Variants in ARHGEF28 observed in about 807,000 individuals in gnomAD.
The protein encoded by ARHGEF28 is Rho guanine nucleotide exchange factor 28.
ARHGEF28 carries 152 observed loss-of-function variants against 206.6 expected under a neutral mutation model. That is an observed-to-expected ratio of 0.74 (90% CI 0.64 to 0.84). The LOEUF is 0.84. Ranked by LOEUF, ARHGEF28 falls within the 40% of genes least tolerant of loss-of-function variation. ARHGEF28 has a pLI of 0.00. For missense variants in ARHGEF28, 2,028 were observed against 2,073.2 expected, an observed-to-expected ratio of 0.98 and a Z score of 0.42; for synonymous variants, 763 against 776.4, an observed-to-expected ratio of 0.98 and a Z score of 0.29.
At chr5:73,858,819 G>C (rs1759211573) in intron 16 of ARHGEF28, among the ~76,000 whole-genome samples, 1 of 152,116 alleles carries the variant, frequency 6.6e-6, no homozygotes, top group South Asian at 2.1e-4. Context: ...TCTCCCAATG[G>C]CTTCCTATAC....
Position 73,846,367 on chromosome 5 carries a change from T to A in ARHGEF28, c.1527T>A (p.Thr509=). The A allele has an allele frequency of 6.2e-7, 1 of 1,613,960 alleles. No homozygotes were observed. Among genetic ancestry groups the A allele is most frequent in the Non-Finnish European group, 8.5e-7 (1 of 1,179,844 alleles). ...CAGGGTCTCAGAGCTCCTCAAGAACTGGGATTCCTAGTGGGGATGAATTGG... is the reference window on the plus strand; with the variant it reads ...CAGGGTCTCAGAGCTCCTCAAGAACAGGGATTCCTAGTGGGGATGAATTGG... ...YTPGSQSSSR[T]GIPSGDELDS... The change falls in exon 12 of 36, where the codon ACT becomes ACA. Residue 509 remains threonine, a synonymous_variant. Transcript: ENST00000513042.
At chr5:73,704,942 A>G (rs114563391) in intron 2 of ARHGEF28, among the ~76,000 whole-genome samples, 1,978 of 152,268 alleles carry the variant, frequency 0.013, 32 homozygotes, top group African/African-American at 0.041. Context: ...TGATGTCTGC[A>G]CTACTATTTG....
Position 73,839,807 on chromosome 5 carries a change from G to A in ARHGEF28, c.1147-673G>A, listed in dbSNP as rs150747243. On this transcript the variant is annotated intron_variant, in intron 10 of 35. Coordinates refer to ENST00000513042, the MANE Select transcript of ARHGEF28 (RefSeq NM_001177693.2). ...TTTCTTCTAATGATGCTATGTACGT[G>A]CACTTTATGTAGCTTTATTTGTTCT... is the stretch of plus-strand genomic sequence containing the variant. Among the ~76,000 whole-genome samples the A allele has an allele frequency of 2.9e-3, 449 of 152,260 alleles. 4 individuals are homozygous for A. Among genetic ancestry groups the A allele is most frequent in the Middle Eastern group, 0.01 (3 of 294 alleles).
intron 35 of ARHGEF28, chr5:73,923,230 G>T: frequency 7.0e-7 from 1 of 1,428,962 alleles, no homozygotes; most frequent in Non-Finnish European, 9.4e-7. Flanking sequence ...TACATAATTT[G>T]GTTTTTAAAA....
intron 9 of ARHGEF28, among the ~76,000 whole-genome samples, chr5:73,816,191 G>A (rs189538084): frequency 6.6e-6 from 1 of 152,198 alleles, no homozygotes; most frequent in Admixed American, 6.5e-5. Context: ...TGCTTACAGG[G>A]ATCTTAACAT....
intron 1 of ARHGEF28, among the ~76,000 whole-genome samples, chr5:73,667,696 G>A (rs1355478393): frequency 1.3e-5 from 2 of 152,076 alleles, no homozygotes; most frequent in African/African-American, 4.8e-5. Context: ...AAACCTTTAT[G>A]TTGTATGTTC....
Position 73,898,003 on chromosome 5 carries a change from G to A in ARHGEF28, c.3883G>A (p.Ala1295Thr), listed in dbSNP as rs949970855. 10 of 1,600,024 alleles carry A rather than the reference G, an allele frequency of 6.2e-6. No individual in the cohort carries two copies. The highest frequency in any genetic ancestry group is 1.6e-4 in the Middle Eastern group (1 of 6,066). The stretch of plus-strand genomic sequence containing the variant: ...TGCAGTGAAGGCCTCACAGATGGGC[G>A]CCGTGAGTCAATCATGTGAGGACAG... ...QVAVKASQMGAVSQSCEDSCG... is the reference protein window; with the variant it reads ...QVAVKASQMGTVSQSCEDSCG... Residue 1295 changes from alanine (A) to threonine (T), a missense_variant, in exon 30 of 36, where the codon GCC becomes ACC. By Grantham distance (58) the Ala-to-Thr change is moderately conservative. Around this residue, in one of 3 missense-constraint regions of ARHGEF28, gnomAD observed 803 missense variants for 768.0 expected, o/e 1.05. Coordinates refer to ENST00000513042, the MANE Select transcript of ARHGEF28 (RefSeq NM_001177693.2).
At chr5:73,834,241 A>T (rs1237380182) in intron 10 of ARHGEF28, among the ~76,000 whole-genome samples, 1 of 152,210 alleles carries the variant, frequency 6.6e-6, no homozygotes, top group Admixed American at 6.5e-5. Flanking sequence ...TACAAAGTGC[A>T]TTATTAACTA....
At chr5:73,862,805 G>A (rs1002826660) in intron 16 of ARHGEF28, among the ~76,000 whole-genome samples, 6 of 149,918 alleles carry the variant, frequency 4.0e-5, no homozygotes, top group Admixed American at 3.3e-4. Flanking sequence ...TCTACCTACA[G>A]TTTTTTAGAT....
intron 1 of ARHGEF28, among the ~76,000 whole-genome samples, chr5:73,646,294 A>G (rs1318725249): frequency 1.3e-5 from 2 of 152,246 alleles, no homozygotes; most frequent in Admixed American, 6.5e-5. Context: ...CTTGACTTCA[A>G]TCTGGCCTCC....
chr5:73,730,014 C>T (rs912411810), intron 2 of ARHGEF28, among the ~76,000 whole-genome samples: 2 of 152,118 alleles, frequency 1.3e-5, no homozygotes, highest in African/African-American at 4.8e-5. Context: ...AAACGTATTG[C>T]CAAATAGTGG....
intron 4 of ARHGEF28, among the ~76,000 whole-genome samples, chr5:73,772,775 G>A (rs905964302): frequency 1.3e-5 from 2 of 152,198 alleles, no homozygotes; most frequent in African/African-American, 4.8e-5. Context: ...ATGTAGTTAA[G>A]ATTGCTTTTA....
At chr5:73,873,912 A>G (rs1429990433) in intron 22 of ARHGEF28, among the ~76,000 whole-genome samples, 2 of 136,212 alleles carry the variant, frequency 1.5e-5, no homozygotes, top group Non-Finnish European at 3.4e-5. Context: ...TCTGGGTTGT[A>G]TGGGAGTTGT....
At chr5:73,913,389 AAGTC>A (rs1763018289) in intron 35 of ARHGEF28, among the ~76,000 whole-genome samples, 1 of 152,250 alleles carries the variant, frequency 6.6e-6, no homozygotes, top group Admixed American at 6.5e-5. Context: ...GGAGAAAAGA[AAGTC>A]AGAGAATAGG....
At chr5:73,769,163 A>C (rs1641806207) in intron 4 of ARHGEF28, among the ~76,000 whole-genome samples, 1 of 152,186 alleles carries the variant, frequency 6.6e-6, no homozygotes, top group Admixed American at 6.5e-5. Context: ...AAATATCAGA[A>C]AAAATATTTT....
Position 73,940,874 on chromosome 5 carries a change from C to A in ARHGEF28, c.4979C>A (p.Thr1660Asn). 1.3e-6 allele frequency: 2 copies of A among 1,527,060 alleles called. No individual in the cohort carries two copies. Among genetic ancestry groups the A allele is most frequent in the Non-Finnish European group, 1.7e-6 (2 of 1,144,122 alleles). The allele number at this position is 1,527,060 out of a possible 1,614,324, so 94.6% of individuals were successfully genotyped here. A position where few individuals can be genotyped will look rare whatever the true frequency, so the allele number is the denominator to read the frequency against. The change falls in exon 36 of 36, where the codon ACC becomes AAC. Residue 1660 changes from threonine (T) to asparagine (N), a missense_variant. This residue lies in a region of ARHGEF28 where 803 missense variants were observed against 768.0 expected (regional missense o/e 1.05). Coordinates refer to ENST00000513042, the MANE Select transcript of ARHGEF28 (RefSeq NM_001177693.2). ...GACACCTCCCACACTGAGTCCCCAA[C>A]CCCCCATGACTCAAATTCACACCGC... ...DLDTSHTESP[T>N]PHDSNSHRPQ...
chr5:73,799,090 A>C (rs1372650434), intron 9 of ARHGEF28, among the ~76,000 whole-genome samples: 1 of 152,174 alleles, frequency 6.6e-6, no homozygotes, highest in Non-Finnish European at 1.5e-5. Flanking sequence ...ACTCCATCTC[A>C]AAAACAAATA....
chr5:73,684,993 T>A (rs989408040), intron 2 of ARHGEF28, 109 bp downstream of exon 2: 10 of 1,145,126 alleles, frequency 8.7e-6, no homozygotes, highest in Non-Finnish European at 1.3e-5. Context: ...TAAGGCTTTT[T>A]AAAAACAACA....
chr5:73,747,315 C>A (rs1048645331), intron 2 of ARHGEF28, among the ~76,000 whole-genome samples: 1 of 152,126 alleles, frequency 6.6e-6, no homozygotes, highest in Non-Finnish European at 1.5e-5. Flanking sequence ...TATATGAAAT[C>A]GGTGGCCTTT....
Sources: allele counts gnomAD v4.1 joint callset (sites outside exome capture counted in the v4.1 genomes callset), GRCh38; gene constraint gnomAD v4.1.1; regional missense constraint gnomAD v4.1.1; transcripts MANE v1.5; gene names NCBI Gene and HGNC (gene_info 2026-07-23, HGNC 2026-07-21).